The following RBM20 variants were observed in gnomAD, a reference collection of about 807,000 sequenced individuals.
The protein encoded by RBM20 is RNA-binding protein 20.
A neutral mutation model predicts 110.1 loss-of-function variants in RBM20; 51 were observed. The observed-to-expected ratio is 0.46, with a 90% CI of 0.37 to 0.59. RBM20 has a LOEUF of 0.59. Among genes scored for constraint, RBM20 ranks in the 20% least tolerant of loss-of-function variants. RBM20 has a pLI of 0.00. For missense variants in RBM20, 1,512 were observed against 1,574.9 expected (o/e 0.96, Z 0.68); for synonymous variants, 589 against 618.2 (o/e 0.95, Z 0.70).
rs781194492 is a variant in RBM20 at position 110,791,810 on chromosome 10, C to T, written c.1528-5698C>T. On this transcript the variant is annotated intron_variant, in intron 5 of 13. Transcript: ENST00000369519. ...TGAGGCTGAAAAAGGATGATTGTCC[C>T]TTTAGCTTGGTAATTCAGGCTTTAG... 5.3e-5 allele frequency among the ~76,000 whole-genome samples: 8 copies of T among 152,132 alleles called. No homozygotes were observed. In the South Asian group the frequency reaches 8.3e-4, roughly 16 times the overall value.
intron 1 of RBM20, among the ~76,000 whole-genome samples, chr10:110,757,501 C>A (rs1449783441): frequency 6.6e-6 from 1 of 152,182 alleles, no homozygotes; most frequent in Non-Finnish European, 1.5e-5. Context: ...AAAGTACTCA[C>A]AGAATATGCG....
At chr10:110,656,399 C>T (rs1303584979) in intron 1 of RBM20, among the ~76,000 whole-genome samples, 1 of 152,108 alleles carries the variant, frequency 6.6e-6, no homozygotes, top group African/African-American at 2.4e-5. Context: ...ATTCAGGGAA[C>T]CACTGATCTG....
In RBM20 at chr10:110,799,791, T is replaced by A; in HGVS notation, c.1673T>A (p.Phe558Tyr). The change falls in exon 7 of 14, where the codon TTT (phenylalanine) becomes TAT (tyrosine). Residue 558 changes from phenylalanine to tyrosine, a missense_variant. Phe to Tyr is a conservative substitution (Grantham distance 22). Coordinates refer to ENST00000369519, the MANE Select transcript of RBM20 (RefSeq NM_001134363.3). ...TGTCCTTCCTTTCTTTCTTAGGCCTTTTTAGAGATGGCTTACACAGAAGCT... is the reference window on the plus strand; with the variant it reads ...TGTCCTTCCTTTCTTTCTTAGGCCTATTTAGAGATGGCTTACACAGAAGCT... ...YILMKSTNQA[F>Y]LEMAYTEAAQ... is the part of the protein sequence containing the mutation. The A allele has an allele frequency of 6.4e-7, 1 of 1,550,920 alleles. No individual in the cohort carries two copies. Among genetic ancestry groups the A allele is most frequent in the Non-Finnish European group, 8.7e-7 (1 of 1,146,648 alleles).
chr10:110,695,411 C>T (rs994408642), intron 1 of RBM20, among the ~76,000 whole-genome samples: 2 of 152,168 alleles, frequency 1.3e-5, no homozygotes, highest in East Asian at 1.9e-4. Context: ...GGGATGGGAA[C>T]GGGTGCTATT....
intron 1 of RBM20, among the ~76,000 whole-genome samples, chr10:110,647,439 G>A (rs1480302220): frequency 1.3e-5 from 2 of 152,128 alleles, no homozygotes; most frequent in Non-Finnish European, 1.5e-5. Flanking sequence ...TATCAGCCAT[G>A]TATAGACACA....
chr10:110,831,016 C>G, intron 12 of RBM20, 45 bp from the exon 13 acceptor site: 1 of 1,515,994 alleles, frequency 6.6e-7, no homozygotes, highest in Non-Finnish European at 8.9e-7. Context: ...GGCCTGCCTC[C>G]CATGCCATCC....
chr10:110,706,340 G>T (rs1376513717), intron 1 of RBM20, among the ~76,000 whole-genome samples: 2 of 152,162 alleles, frequency 1.3e-5, no homozygotes, highest in Non-Finnish European at 2.9e-5. Context: ...CATACAATAG[G>T]TTCTTAAGAA....
intron 5 of RBM20, among the ~76,000 whole-genome samples, chr10:110,787,008 C>T (rs981544796): frequency 1.3e-5 from 2 of 152,208 alleles, no homozygotes; most frequent in South Asian, 4.1e-4. Context: ...CAGCGCTGCC[C>T]ATTGAGCCAG....
chr10:110,713,395 G>C (rs530981011), intron 1 of RBM20, among the ~76,000 whole-genome samples: 2 of 152,250 alleles, frequency 1.3e-5, no homozygotes, highest in South Asian at 4.2e-4. Flanking sequence ...AACATGGCTT[G>C]AGTGATATCC....
rs1293517489 is a variant in RBM20 at position 110,812,469 on chromosome 10, C to T, written c.2072C>T (p.Ala691Val). The change falls in exon 9 of 14, where the codon GCT becomes GTT. Residue 691 changes from alanine (A) to valine (V), a missense_variant. Around this residue, in one of 3 missense-constraint regions of RBM20, gnomAD observed 1,149 missense variants for 1,169.4 expected, o/e 0.98. Transcript: ENST00000369519. ...AGGAGGGAGGAAGAGCGAGACCCGGCTCCCTGGAGGGACAACGGAGATGAC... is the reference window on the plus strand; with the variant it reads ...AGGAGGGAGGAAGAGCGAGACCCGGTTCCCTGGAGGGACAACGGAGATGAC... ...YARREEERDP[A>V]PWRDNGDDKR... 3.9e-6 allele frequency: 6 copies of T among 1,551,574 alleles called. No individual in the cohort carries two copies. In the African/African-American group the frequency reaches 5.5e-5, roughly 14 times the overall value.
intron 12 of RBM20, among the ~76,000 whole-genome samples, chr10:110,828,886 C>T (rs1233853252): frequency 2.6e-5 from 4 of 152,060 alleles, no homozygotes; most frequent in Admixed American, 1.3e-4. Context: ...CAAGTGAAAT[C>T]GGTTCCAGAA....
intron 1 of RBM20, among the ~76,000 whole-genome samples, chr10:110,688,312 C>A (rs546969392): frequency 4.1e-4 from 62 of 152,226 alleles, no homozygotes; most frequent in African/African-American, 1.5e-3. Context: ...CATAGTGTGA[C>A]TATTTATGCA....
intron 1 of RBM20, among the ~76,000 whole-genome samples, chr10:110,757,811 C>G (rs1459464818): frequency 6.6e-6 from 1 of 152,070 alleles, no homozygotes; most frequent in Non-Finnish European, 1.5e-5. Context: ...AGATGCTCCT[C>G]ATGGGGCCCA....
chr10:110,743,894 G>A (rs143698758), intron 1 of RBM20, among the ~76,000 whole-genome samples: 7 of 152,324 alleles, frequency 4.6e-5, no homozygotes, highest in Admixed American at 2.6e-4. Flanking sequence ...GGGATTACAG[G>A]TGTGAGCCAC....
chr10:110,761,539 G>A lies in RBM20; in HGVS notation c.192-19262G>A, dbSNP rs114122801. Among the ~76,000 whole-genome samples, 1,244 of 152,348 alleles carry A rather than the reference G, an allele frequency of 8.2e-3. 13 individuals are homozygous for A. The highest frequency in any genetic ancestry group is 0.028 in the African/African-American group (1,180 of 41,588). On this transcript the variant is annotated intron_variant, in intron 1 of 13. Transcript: ENST00000369519. ...CACAAGGACTCAGTAACGGTTGAAG[G>A]TCACACAGTGAGTGGGTGATGCAGC...
intron 8 of RBM20, 39 bp downstream of exon 8, chr10:110,810,501 G>A: frequency 1.4e-6 from 2 of 1,450,738 alleles, no homozygotes; most frequent in Non-Finnish European, 1.9e-6. Context: ...CAGGTTCTGG[G>A]CAGTGGGAAC....
chr10:110,718,338 G>T (rs1293811100), intron 1 of RBM20, among the ~76,000 whole-genome samples: 1 of 152,094 alleles, frequency 6.6e-6, no homozygotes, highest in African/African-American at 2.4e-5. Context: ...TTCCTTAGAA[G>T]ACCAAGTACT....
At chr10:110,647,636 A>AT (rs1861886907) in intron 1 of RBM20, among the ~76,000 whole-genome samples, 2 of 152,142 alleles carry the variant, frequency 1.3e-5, no homozygotes, top group African/African-American at 4.8e-5. Context: ...ACAAATATAT[A>AT]TTTTTTCCAT....
intron 1 of RBM20, among the ~76,000 whole-genome samples, chr10:110,756,143 C>T (rs1419498042): frequency 7.2e-5 from 11 of 152,320 alleles, no homozygotes; most frequent in Admixed American, 6.5e-5. Context: ...CTCAACATCA[C>T]GATTTAGCCA....
Sources: gnomAD v4.1 joint callset for allele counts (sites outside exome capture counted in the v4.1 genomes callset) on GRCh38, gnomAD v4.1.1 for gene constraint, gnomAD v4.1.1 regional missense constraint, MANE v1.5 for transcripts, NCBI Gene and HGNC (gene_info 2026-07-23, HGNC 2026-07-21) for gene names.